Variants in SYNE1 observed in about 807,000 individuals in gnomAD.
SYNE1 encodes the protein spectrin repeat containing nuclear envelope protein 1.
SYNE1 carries 616 observed loss-of-function variants against 1,111.0 expected under a neutral mutation model. The ratio of observed to expected loss-of-function variants is 0.55; its 90% CI spans 0.52 to 0.59. SYNE1 has a LOEUF of 0.59. Among genes scored for constraint, SYNE1 ranks in the 20% least tolerant of loss-of-function variants. The probability of loss-of-function intolerance (pLI) is 0.00; values close to 1 mark genes in which losing one functional copy is unlikely to be tolerated. For synonymous variants in SYNE1, 3,855 were observed against 3,825.8 expected (o/e 1.01, Z -0.28); for missense variants, 10,006 against 10,417.0 (o/e 0.96, Z 1.72).
chr6:152,155,292 A>G, intron 132 of SYNE1: 1 of 485,642 alleles, frequency 2.1e-6, no homozygotes, highest in Non-Finnish European at 3.7e-6. Context: ...CAAATTGAAA[A>G]TTACAAGCAC....
chr6:152,158,563 T>A (rs879795628), intron 131 of SYNE1, among the ~76,000 whole-genome samples: 1 of 152,198 alleles, frequency 6.6e-6, no homozygotes, highest in African/African-American at 2.4e-5. Context: ...GTATAAACAG[T>A]CCTTTCAAAT....
rs1304123182 is a variant in SYNE1, at chr6:152,331,674, T to A, written c.13011A>T (p.Gln4337His). ...ACTCCTCCAAGTTGGTGACTGACACTTGGATTTTCCTTTTAATGAGGTCCT... is the reference window on the plus strand; with the variant it reads ...ACTCCTCCAAGTTGGTGACTGACACATGGATTTTCCTTTTAATGAGGTCCT... ...QLEDLIKRKI[Q>H]VSVTNLEELN... The change falls in exon 78 of 146, where the codon CAA (glutamine) becomes CAT (histidine). Residue 4337 changes from glutamine (Q) to histidine (H), a missense_variant. By Grantham distance (24) the Gln-to-His change is conservative (BLOSUM62 0). Around this residue, in one of 7 missense-constraint regions of SYNE1, gnomAD observed 4,955 missense variants for 5,017.2 expected, o/e 0.99. Transcript: ENST00000367255. The A allele has an allele frequency of 1.2e-6, 2 of 1,614,208 alleles. No homozygotes were observed. Among genetic ancestry groups the A allele is most frequent in the Admixed American group, 3.3e-5 (2 of 60,028 alleles).
intron 128 of SYNE1, among the ~76,000 whole-genome samples, chr6:152,182,139 T>C (rs188925457): frequency 5.8e-4 from 88 of 152,332 alleles, no homozygotes; most frequent in Admixed American, 1.8e-3. Flanking sequence ...TTATACATTA[T>C]ATATATACAA....
intron 29 of SYNE1, 93 bp from the exon 30 acceptor site, chr6:152,444,671 C>T (rs1033555243): frequency 4.3e-6 from 5 of 1,158,480 alleles, no homozygotes; most frequent in East Asian, 2.5e-5. Context: ...GACAAATAAA[C>T]ATTGTACATA....
intron 121 of SYNE1, among the ~76,000 whole-genome samples, chr6:152,216,722 C>A (rs775817567): frequency 1.3e-5 from 2 of 152,110 alleles, no homozygotes; most frequent in African/African-American, 4.8e-5. Context: ...AATTTTCATG[C>A]CTGTTGAATT....
intron 3 of SYNE1, among the ~76,000 whole-genome samples, chr6:152,585,325 T>C (rs918811327): frequency 3.3e-5 from 5 of 152,258 alleles, no homozygotes; most frequent in Non-Finnish European, 7.3e-5. Flanking sequence ...CAGACTAATA[T>C]ACTAGCATTA....
chr6:152,444,398 G>A lies in SYNE1; in HGVS notation c.3837+13C>T. ...CTTTACATAATCTTGTTGGAAGAAA[G>A]AGGCATTTTTACCTGGTGATGAAGA... On this transcript the variant is annotated intron_variant, in intron 30 of 145. Transcript: ENST00000367255. 1.2e-6 allele frequency: 2 copies of A among 1,613,234 alleles called. No homozygotes were observed. The highest frequency in any genetic ancestry group is 1.7e-6 in the Non-Finnish European group (2 of 1,179,644).
chr6:152,145,351 T>A, intron 137 of SYNE1: 2 of 813,468 alleles, frequency 2.5e-6, no homozygotes, highest in Non-Finnish European at 2.1e-6. Context: ...TTTTTTCTAG[T>A]ACAGCAGTAA....
chr6:152,452,963 A>C (rs529304694), intron 25 of SYNE1, among the ~76,000 whole-genome samples: 13 of 152,182 alleles, frequency 8.5e-5, no homozygotes, highest in Non-Finnish European at 1.6e-4. Flanking sequence ...TAGTTACCTG[A>C]TTCGCTGTTT....
At chr6:152,150,521 C>T (rs1279988355) in intron 135 of SYNE1, among the ~76,000 whole-genome samples, 2 of 152,212 alleles carry the variant, frequency 1.3e-5, no homozygotes, top group Admixed American at 6.5e-5. Context: ...TTTACTGTTT[C>T]TTCCATCCTG....
intron 91 of SYNE1, 160 bp from the exon 92 acceptor site, chr6:152,302,223 C>CGTA (rs987282758): frequency 1.1e-6 from 1 of 928,472 alleles, no homozygotes; most frequent in Non-Finnish European, 1.7e-6. Context: ...ATCTCGCTAC[C>CGTA]GAGCCAGACC....
At chr6:152,544,421 A>G (rs1358317) in intron 3 of SYNE1, among the ~76,000 whole-genome samples, 38,126 of 151,992 alleles carry the variant, frequency 0.25, 5,061 homozygotes, top group Middle Eastern at 0.33. Flanking sequence ...CTTGAGGCTC[A>G]CATTGCTTGT....
intron 95 of SYNE1, among the ~76,000 whole-genome samples, chr6:152,289,925 C>CTTTT (rs71017532): frequency 2.0e-4 from 26 of 129,962 alleles, no homozygotes; most frequent in Non-Finnish European, 2.7e-4. Context: ...CGCGCCCAGC[C>CTTTT]TTTTTTTTTT....
intron 130 of SYNE1, among the ~76,000 whole-genome samples, chr6:152,170,351 G>A (rs373025112): frequency 1.3e-4 from 20 of 152,324 alleles, no homozygotes; most frequent in Admixed American, 5.9e-4. Context: ...TTGTTTTATA[G>A]TAAACACAGT....
At position 152,219,043 on chromosome 6, in the gene SYNE1, G is replaced by T. The variant is rs996326790; in HGVS notation, c.22004C>A (p.Ala7335Asp). 6.2e-7 allele frequency: 1 copy of T among 1,614,066 alleles called. No homozygotes were observed. The highest frequency in any genetic ancestry group is 1.7e-4 in the Middle Eastern group (1 of 6,060). Residue 7335 changes from alanine to aspartate, a missense_variant, in exon 120 of 146, where the codon GCC becomes GAC. Physicochemically the swap from Ala to Asp is moderately radical, Grantham distance 126 (BLOSUM62 -2). This residue lies in a region of SYNE1 where 2,182 missense variants were observed against 2,287.8 expected (regional missense o/e 0.95). Coordinates refer to ENST00000367255, the MANE Select transcript of SYNE1 (RefSeq NM_182961.4). ...DQLSLSQHLC[A>D]LEQALCKQQT... ...CTGTTTGCAGAGAGCTTGCTCCAGGGCACACAAGTGTTGACTCAAAGAGAG... is the reference window on the plus strand; with the variant it reads ...CTGTTTGCAGAGAGCTTGCTCCAGGTCACACAAGTGTTGACTCAAAGAGAG...
At chr6:152,211,642 G>A (rs2077540250) in intron 123 of SYNE1, 54 bp from the exon 124 acceptor site, 8 of 1,455,800 alleles carry the variant, frequency 5.5e-6, no homozygotes, top group Middle Eastern at 1.8e-4. Context: ...TTTAGTGATC[G>A]GTTCTCTGAT....
chr6:152,425,997 G>A (rs2154195463), intron 38 of SYNE1, among the ~76,000 whole-genome samples: 1 of 152,298 alleles, frequency 6.6e-6, no homozygotes. Flanking sequence ...CCTGGGACAT[G>A]TTCTGCCTTT....
chr6:152,165,700 T>C (rs917906489), intron 130 of SYNE1, among the ~76,000 whole-genome samples: 5 of 152,220 alleles, frequency 3.3e-5, no homozygotes, highest in South Asian at 2.1e-4. Flanking sequence ...AAATACAAAT[T>C]GTACCCTGTC....
chr6:152,318,913 T>C lies in SYNE1; in HGVS notation c.16339A>G (p.Lys5447Glu), dbSNP rs2095802637. 1 of 1,614,124 alleles carries C rather than the reference T, an allele frequency of 6.2e-7. No homozygotes were observed. Among genetic ancestry groups the C allele is most frequent in the Non-Finnish European group, 8.5e-7 (1 of 1,180,046 alleles). ...ACATTATCTGTCTTCGCTTTCAGCTTAGTTAGAATAGTTGTGAGGTCTTTA... is the reference window on the plus strand; with the variant it reads ...ACATTATCTGTCTTCGCTTTCAGCTCAGTTAGAATAGTTGTGAGGTCTTTA... The part of the protein sequence containing the change: ...LAKDLTTILT[K>E]LKAKTDNVVQ... Residue 5447 changes from lysine (K) to glutamate (E), a missense_variant, in exon 85 of 146, where the codon AAG becomes GAG. Physicochemically the swap from Lys to Glu is moderately conservative, Grantham distance 56. Around this residue, in one of 7 missense-constraint regions of SYNE1, gnomAD observed 4,955 missense variants for 5,017.2 expected, o/e 0.99. Coordinates refer to ENST00000367255, the MANE Select transcript of SYNE1 (RefSeq NM_182961.4).
Sources: allele counts gnomAD v4.1 joint callset (sites outside exome capture counted in the v4.1 genomes callset), GRCh38; gene constraint gnomAD v4.1.1; regional missense constraint gnomAD v4.1.1; transcripts MANE v1.5; gene names NCBI Gene and HGNC (gene_info 2026-07-23, HGNC 2026-07-21).